Variants in EFCAB8 observed in about 807,000 individuals in gnomAD.
The protein encoded by EFCAB8 is EF-hand calcium-binding domain-containing protein 8.
EFCAB8 carries 100 observed loss-of-function variants against 116.3 expected under a neutral mutation model. The observed-to-expected ratio is 0.86, with a 90% confidence interval of 0.73 to 1.02. The LOEUF is 1.02. Among genes scored for constraint, EFCAB8 ranks in the 50% least tolerant of loss-of-function variants. The probability of loss-of-function intolerance (pLI) is 0.00; values close to 1 mark genes in which losing one functional copy is unlikely to be tolerated. For missense variants in EFCAB8, 1,320 were observed against 1,416.9 expected, an observed-to-expected ratio of 0.93 and a Z score of 1.10; for synonymous variants, 558 against 567.9, an observed-to-expected ratio of 0.98 and a Z score of 0.25.
At chr20:32,917,063 C>CA (rs1199206031) in intron 17 of EFCAB8, 1 of 526,284 alleles carries the variant, frequency 1.9e-6, no homozygotes, top group East Asian at 3.2e-5. Flanking sequence ...GTGTATTACA[C>CA]ATTGACTATC....
rs886536765 is a variant in EFCAB8, at chr20:32,892,142, G to C, written c.674-71G>C. Reference sequence around the variant, plus strand: ...AGAGATTCCTTGGGATAGCAATGAGGCTGCTCACTGTGACTGAAGACCTCC... The same window carrying C: ...AGAGATTCCTTGGGATAGCAATGAGCCTGCTCACTGTGACTGAAGACCTCC... On this transcript the variant is annotated intron_variant, in intron 7 of 26. Transcript: ENST00000400522. The C allele has an allele frequency of 2.3e-6, 3 of 1,324,238 alleles. No individual in the cohort carries two copies. In the African/African-American group the frequency reaches 4.4e-5, roughly 19 times the overall value. The allele number at this position is 1,324,238 out of a possible 1,614,324, so 82.0% of individuals were successfully genotyped here. A position where few individuals can be genotyped will look rare whatever the true frequency, so the allele number is the denominator to read the frequency against.
chr20:32,873,323 C>T (rs1192470032), intron 3 of EFCAB8, among the ~76,000 whole-genome samples: 1 of 151,762 alleles, frequency 6.6e-6, no homozygotes, highest in African/African-American at 2.4e-5. Flanking sequence ...TCGTGATCCA[C>T]CTGCCTCGGC....
At chr20:32,876,743 G>T (rs1280797750) in intron 4 of EFCAB8, among the ~76,000 whole-genome samples, 2 of 152,128 alleles carry the variant, frequency 1.3e-5, no homozygotes, top group African/African-American at 2.4e-5. Context: ...AAGGGGGGTG[G>T]ATCGCTTGAG....
intron 1 of EFCAB8, among the ~76,000 whole-genome samples, chr20:32,860,627 C>T (rs970378361): frequency 6.7e-6 from 1 of 150,214 alleles, no homozygotes; most frequent in Non-Finnish European, 1.5e-5. Flanking sequence ...GTGCCTCAGT[C>T]TCCCGAGTAG....
At chr20:32,911,754 C>G (rs769333093) in intron 16 of EFCAB8, 47 bp downstream of exon 16, 8 of 1,516,774 alleles carry the variant, frequency 5.3e-6, no homozygotes, top group Non-Finnish European at 7.2e-6. Flanking sequence ...TCTTGGGAAG[C>G]AAAGCACAGC....
In EFCAB8 at chr20:32,893,167, T is replaced by C. The variant is rs1318549070; in HGVS notation, c.759-7T>C. The C allele has an allele frequency of 6.4e-7, 1 of 1,551,796 alleles. No homozygotes were observed. Among genetic ancestry groups the C allele is most frequent in the East Asian group, 2.4e-5 (1 of 40,882 alleles). ...ACACAACCTCTTCCGTCTCCATCTTTCTGCAGGTCTGACTATCACAGAGGT... is the reference window on the plus strand; with the variant it reads ...ACACAACCTCTTCCGTCTCCATCTTCCTGCAGGTCTGACTATCACAGAGGT... On this transcript the variant is annotated splice_region_variant and splice_polypyrimidine_tract_variant and intron_variant, in intron 8 of 26. Transcript: ENST00000400522.
chr20:32,872,275 T>C (rs1420176392), intron 3 of EFCAB8, among the ~76,000 whole-genome samples: 1 of 152,192 alleles, frequency 6.6e-6, no homozygotes, highest in African/African-American at 2.4e-5. Flanking sequence ...ACCACGCCTC[T>C]CTGTGCCACA....
chr20:32,897,408 C>T lies in EFCAB8; in HGVS notation c.957+881C>T, dbSNP rs375060607. On this transcript the variant is annotated intron_variant, in intron 10 of 26. Transcript: ENST00000400522. ...GAATGAATGAATGACGCACTCAGGG[C>T]GGTCTGGGTGATCCAACAGGCCTGC... 8.0e-5 allele frequency among the ~76,000 whole-genome samples: 12 copies of T among 150,808 alleles called. No homozygotes were observed. The East Asian group carries it at 9.8e-4, about 12-fold the overall frequency.
At chr20:32,954,303 G>A (rs1988895307) in intron 23 of EFCAB8, among the ~76,000 whole-genome samples, 1 of 152,028 alleles carries the variant, frequency 6.6e-6, no homozygotes, top group South Asian at 2.1e-4. Flanking sequence ...GTTCATTTTT[G>A]TATATGGCAT....
chr20:32,943,435 G>A (rs1988466377), intron 22 of EFCAB8, among the ~76,000 whole-genome samples: 1 of 152,214 alleles, frequency 6.6e-6, no homozygotes, highest in South Asian at 2.1e-4. Context: ...TTTTACCTAA[G>A]GGGCCAGTGA....
intron 23 of EFCAB8, among the ~76,000 whole-genome samples, chr20:32,955,573 A>G (rs1413819023): frequency 1.3e-5 from 2 of 152,174 alleles, no homozygotes; most frequent in African/African-American, 4.8e-5. Flanking sequence ...AAAACAAATT[A>G]TCTAAAAAAC....
Position 32,885,598 on chromosome 20 carries a change from G to A in EFCAB8, c.525G>A (p.Leu175=), listed in dbSNP as rs373987935. The change falls in exon 6 of 27, where the codon CTG becomes CTA. Residue 175 remains leucine, a synonymous_variant. Transcript: ENST00000400522. ...CFLTVTKDGI[L]QFWSESFSLM... Reference sequence around the variant, plus strand: ...TGACTGTCACCAAAGACGGGATCCTGCAGTTCTGGTCTGAGTCCTTCTCGC... The same window carrying A: ...TGACTGTCACCAAAGACGGGATCCTACAGTTCTGGTCTGAGTCCTTCTCGC... 1.3e-3 allele frequency: 2,039 copies of A among 1,551,826 alleles called. 5 individuals are homozygous for A. Among genetic ancestry groups the A allele is most frequent in the Non-Finnish European group, 1.6e-3 (1,843 of 1,147,026 alleles).
chr20:32,910,953 G>T (rs1344809837), intron 15 of EFCAB8, among the ~76,000 whole-genome samples: 1 of 151,990 alleles, frequency 6.6e-6, no homozygotes, highest in Non-Finnish European at 1.5e-5. Flanking sequence ...GGCCAGGCTG[G>T]TCTCAAACTT....
chr20:32,915,815 G>T (rs1457774807), intron 17 of EFCAB8, among the ~76,000 whole-genome samples: 3 of 152,002 alleles, frequency 2.0e-5, no homozygotes, highest in Non-Finnish European at 4.4e-5. Flanking sequence ...GGGATTATAA[G>T]TGTGTGCCAC....
chr20:32,898,214 G>T (rs1021321272), intron 10 of EFCAB8, among the ~76,000 whole-genome samples: 1 of 152,216 alleles, frequency 6.6e-6, no homozygotes, highest in South Asian at 2.1e-4. Context: ...GAGATGATTA[G>T]TATGGGCCTG....
chr20:32,961,049 C>A (rs1027028980), intron 26 of EFCAB8, 87 bp from the exon 27 acceptor site: 152 of 1,200,654 alleles, frequency 1.3e-4, no homozygotes, highest in Non-Finnish European at 1.7e-4. Flanking sequence ...CCTCAGGGCG[C>A]CTCCTTCCTG....
chr20:32,908,656 G>A (rs190600728), intron 14 of EFCAB8, among the ~76,000 whole-genome samples: 11 of 152,318 alleles, frequency 7.2e-5, no homozygotes, highest in Non-Finnish European at 1.2e-4. Context: ...CCACTCAGGC[G>A]TCCTCAGCCT....
chr20:32,894,328 G>A (rs11167185), intron 9 of EFCAB8, among the ~76,000 whole-genome samples: 46,075 of 152,218 alleles, frequency 0.3, 8,894 homozygotes, highest in Middle Eastern at 0.46. Flanking sequence ...GCAGAGCAGG[G>A]ACAGATCCTG....
intron 7 of EFCAB8, 90 bp downstream of exon 7, chr20:32,889,496 G>A: frequency 1.1e-5 from 14 of 1,302,210 alleles, no homozygotes; most frequent in Non-Finnish European, 1.5e-5. Flanking sequence ...GAGCAACTGT[G>A]AACATGGATC....
Sources: allele counts gnomAD v4.1 joint callset (sites outside exome capture counted in the v4.1 genomes callset), GRCh38; gene constraint gnomAD v4.1.1; transcripts MANE v1.5; gene names NCBI Gene and HGNC (gene_info 2026-07-23, HGNC 2026-07-21).